The following BNC2 variants were observed in gnomAD, a reference collection of about 807,000 sequenced individuals.
BNC2 encodes zinc finger protein basonuclin-2.
In BNC2, 20 loss-of-function variants were observed where a neutral mutation model predicts 76.3. The ratio of observed to expected loss-of-function variants is 0.26; its 90% CI spans 0.18 to 0.38. The LOEUF (loss-of-function observed/expected upper bound fraction) is 0.38. Ranked by LOEUF, BNC2 falls within the 10% of genes least tolerant of loss-of-function variation. The probability of loss-of-function intolerance (pLI) is 1.00; values close to 1 mark genes in which losing one functional copy is unlikely to be tolerated. For synonymous variants in BNC2, 582 were observed against 514.8 expected, an observed-to-expected ratio of 1.13 and a Z score of -1.77; for missense variants, 1,382 against 1,399.8, an observed-to-expected ratio of 0.99 and a Z score of 0.20.
At chr9:16,850,958 T>C (rs1428883178) in intron 1 of BNC2, among the ~76,000 whole-genome samples, 2 of 152,184 alleles carry the variant, frequency 1.3e-5, no homozygotes, top group East Asian at 1.9e-4. Context: ...AGACACAGGC[T>C]GTCTGAAATC....
intron 3 of BNC2, among the ~76,000 whole-genome samples, chr9:16,599,534 A>G (rs1232888288): frequency 1.3e-5 from 2 of 152,234 alleles, no homozygotes; most frequent in African/African-American, 4.8e-5. Flanking sequence ...CTGTAATCCC[A>G]GCACTTTGGG....
chr9:16,773,450 G>A (rs1005648512), intron 1 of BNC2, among the ~76,000 whole-genome samples: 2 of 148,700 alleles, frequency 1.3e-5, no homozygotes, highest in African/African-American at 2.5e-5. Context: ...AGGTTTTCTC[G>A]TTCTGTTGAG....
chr9:16,577,009 T>A (rs2132956613), intron 4 of BNC2, among the ~76,000 whole-genome samples: 1 of 152,316 alleles, frequency 6.6e-6, no homozygotes, highest in African/African-American at 2.4e-5. Context: ...GTGCTGGGAT[T>A]ACAGGCGTGA....
intron 3 of BNC2, among the ~76,000 whole-genome samples, chr9:16,706,209 A>G (rs1823668660): frequency 6.6e-6 from 1 of 152,220 alleles, no homozygotes; most frequent in African/African-American, 2.4e-5. Context: ...TTCTTCTTCT[A>G]CCACTGATTC....
At position 16,411,538 on chromosome 9, in the gene BNC2, A is replaced by G. The variant is rs188820303; in HGVS notation, c.*7451T>C. The G allele has an allele frequency of 2.6e-5, 4 of 152,732 alleles. No individual in the cohort carries two copies. The highest frequency in any genetic ancestry group is 4.4e-5 in the Non-Finnish European group (3 of 68,026). 9.5% of individuals were successfully genotyped at this position (152,732 alleles called of 1,614,324 possible). On this transcript the variant is annotated 3_prime_UTR_variant, in exon 7 of 7. Coordinates refer to ENST00000380672, the MANE Select transcript of BNC2 (RefSeq NM_017637.6). ...TGCAATTTTGGCAACTGGTTTTTCA[A>G]TTAGGATTCTATTAAGATGTCTGAT...
At chr9:16,500,406 T>C (rs1336301856) in intron 5 of BNC2, among the ~76,000 whole-genome samples, 1 of 152,194 alleles carries the variant, frequency 6.6e-6, no homozygotes, top group East Asian at 1.9e-4. Context: ...TCGGGAACCA[T>C]ATGAAAGCTG....
At chr9:16,441,814 T>C (rs1013516245) in intron 5 of BNC2, among the ~76,000 whole-genome samples, 1 of 152,304 alleles carries the variant, frequency 6.6e-6, no homozygotes. Context: ...TAGTCCTCCT[T>C]GCAAACAGTA....
intron 5 of BNC2, among the ~76,000 whole-genome samples, chr9:16,453,145 G>A (rs930266513): frequency 6.6e-6 from 1 of 152,150 alleles, no homozygotes. Context: ...GCTGAGGCCT[G>A]AAAATGAGCC....
intron 1 of BNC2, among the ~76,000 whole-genome samples, chr9:16,754,570 T>C (rs1825321258): frequency 6.6e-6 from 1 of 152,156 alleles, no homozygotes; most frequent in Admixed American, 6.5e-5. Context: ...TTTTTTCTTT[T>C]TTCTTGAGAC....
chr9:16,840,999 T>C (rs975015018), intron 1 of BNC2, among the ~76,000 whole-genome samples: 5 of 152,208 alleles, frequency 3.3e-5, no homozygotes, highest in African/African-American at 9.7e-5. Flanking sequence ...CTAGGGTAAT[T>C]AGTATTTTCG....
chr9:16,797,058 T>G (rs770165462), intron 1 of BNC2, among the ~76,000 whole-genome samples: 1 of 152,178 alleles, frequency 6.6e-6, no homozygotes, highest in Non-Finnish European at 1.5e-5. Flanking sequence ...ACAGGAATGA[T>G]AAAAGTAAAA....
intron 1 of BNC2, among the ~76,000 whole-genome samples, chr9:16,767,968 T>TC (rs1263548663): frequency 6.6e-6 from 1 of 150,388 alleles, no homozygotes; most frequent in Non-Finnish European, 1.5e-5. Flanking sequence ...TTATGCAATT[T>TC]TTTTTTTTTT....
Position 16,863,681 on chromosome 9 carries a change from C to T in BNC2, c.3+6965G>A, listed in dbSNP as rs78956553. On this transcript the variant is annotated intron_variant, in intron 1 of 6. Transcript: ENST00000380672. ...CTGCACTCTAGTTTGGGCGACAGAG[C>T]GAGATTCCGTTTCAAAAAAAACCTT... Among the ~76,000 whole-genome samples, 761 of 152,090 alleles carry T rather than the reference C, an allele frequency of 5.0e-3. 17 individuals are homozygous for T. Among genetic ancestry groups the T allele is most frequent in the Middle Eastern group, 6.8e-3 (2 of 294 alleles).
intron 5 of BNC2, among the ~76,000 whole-genome samples, chr9:16,450,365 G>T (rs1360124863): frequency 6.6e-6 from 1 of 152,200 alleles, no homozygotes; most frequent in African/African-American, 2.4e-5. Flanking sequence ...CTATGATTCT[G>T]CAGATTATCA....
intron 6 of BNC2, 142 bp downstream of exon 6, chr9:16,435,413 T>C: frequency 2.0e-6 from 2 of 1,000,222 alleles, no homozygotes; most frequent in Admixed American, 1.8e-5. Context: ...CATGGCAGCC[T>C]AGTTATCACA....
chr9:16,453,107 G>A (rs1438085951), intron 5 of BNC2, among the ~76,000 whole-genome samples: 1 of 152,118 alleles, frequency 6.6e-6, no homozygotes, highest in African/African-American at 2.4e-5. Flanking sequence ...CAAAGAAAAT[G>A]AAAGAAAAAT....
intron 5 of BNC2, among the ~76,000 whole-genome samples, chr9:16,439,115 G>A (rs988562411): frequency 3.3e-5 from 5 of 152,172 alleles, no homozygotes; most frequent in African/African-American, 4.8e-5. Flanking sequence ...ATGTGACTTT[G>A]CTCCTCCTTT....
chr9:16,838,829 G>C (rs902428036), intron 1 of BNC2, among the ~76,000 whole-genome samples: 1 of 152,132 alleles, frequency 6.6e-6, no homozygotes, highest in Non-Finnish European at 1.5e-5. Flanking sequence ...ATGCTAGGTT[G>C]GGTGATTCCA....
chr9:16,839,217 TA>T (rs1225925844), intron 1 of BNC2, among the ~76,000 whole-genome samples: 1 of 152,224 alleles, frequency 6.6e-6, no homozygotes, highest in Non-Finnish European at 1.5e-5. Context: ...AGTTTGTATA[TA>T]ATATACATAT....
Sources: gnomAD v4.1 joint callset for allele counts (sites outside exome capture counted in the v4.1 genomes callset) on GRCh38, gnomAD v4.1.1 for gene constraint, MANE v1.5 for transcripts, NCBI Gene and HGNC (gene_info 2026-07-23, HGNC 2026-07-21) for gene names.